Variants in TMEM178B observed in about 807,000 individuals in gnomAD.
The protein encoded by TMEM178B is transmembrane protein 178B.
A neutral mutation model predicts 31.0 loss-of-function variants in TMEM178B; 5 were observed. The ratio of observed to expected loss-of-function variants is 0.16; its 90% CI spans 0.08 to 0.34. The LOEUF is 0.34. TMEM178B is among the 10% of genes least tolerant of loss of function. The pLI, the probability that TMEM178B is intolerant of heterozygous loss-of-function variation, is 1.00. For synonymous variants in TMEM178B, 164 were observed against 164.0 expected, an observed-to-expected ratio of 1.00 and a Z score of 0.00; for missense variants, 275 against 400.3, an observed-to-expected ratio of 0.69 and a Z score of 2.67.
At chr7:141,371,421 A>G (rs911295739) in intron 2 of TMEM178B, among the ~76,000 whole-genome samples, 7 of 152,210 alleles carry the variant, frequency 4.6e-5, no homozygotes, top group African/African-American at 1.7e-4. Flanking sequence ...CCTGACGCAG[A>G]CACCAGTGCC....
chr7:141,216,776 C>T (rs1797159103), intron 2 of TMEM178B, among the ~76,000 whole-genome samples: 1 of 152,142 alleles, frequency 6.6e-6, no homozygotes, highest in Non-Finnish European at 1.5e-5. Context: ...TGCCTTCCTA[C>T]CCACCCACTA....
chr7:141,502,701 C>T, the TMEM178B span, among the ~76,000 whole-genome samples: 2 of 151,194 alleles, frequency 1.3e-5, no homozygotes, highest in African/African-American at 4.9e-5. Flanking sequence ...ACCCGGGAGG[C>T]GGAGGTTGCA....
chr7:141,324,416 G>GTTTTTTTTTTTT (rs56316531), intron 2 of TMEM178B, among the ~76,000 whole-genome samples: 1 of 85,736 alleles, frequency 1.2e-5, no homozygotes, highest in Non-Finnish European at 2.4e-5. Context: ...GGAGACCAGG[G>GTTTTTTTTTTTT]TTTTTTTTTT....
chr7:141,162,366 T>G (rs1796190350), intron 1 of TMEM178B, among the ~76,000 whole-genome samples: 1 of 152,220 alleles, frequency 6.6e-6, no homozygotes, highest in Non-Finnish European at 1.5e-5. Context: ...TGGCATGCGA[T>G]ACACCCTGGG....
At chr7:141,402,145 T>A (rs957383989) in intron 2 of TMEM178B, among the ~76,000 whole-genome samples, 2 of 152,180 alleles carry the variant, frequency 1.3e-5, no homozygotes, top group Non-Finnish European at 2.9e-5. Context: ...ACCCGCTCAC[T>A]ACACTAAAAG....
intron 2 of TMEM178B, among the ~76,000 whole-genome samples, chr7:141,312,234 CT>C (rs1334545352): frequency 6.6e-6 from 1 of 152,234 alleles, no homozygotes; most frequent in Non-Finnish European, 1.5e-5. Flanking sequence ...TCAACATGGT[CT>C]GAACTGAACA....
intron 2 of TMEM178B, among the ~76,000 whole-genome samples, chr7:141,289,920 AG>A (rs1262228248): frequency 3.9e-5 from 6 of 151,900 alleles, no homozygotes; most frequent in Non-Finnish European, 5.9e-5. Flanking sequence ...GGATCATTTA[AG>A]GCCAAGAATT....
chr7:141,127,970 C>T (rs1795527243), intron 1 of TMEM178B, among the ~76,000 whole-genome samples: 1 of 152,128 alleles, frequency 6.6e-6, no homozygotes, highest in Admixed American at 6.5e-5. Context: ...CAACGCGAAC[C>T]ACAGGGCATA....
chr7:141,335,254 CCTCAG>C (rs1799364438), intron 2 of TMEM178B, among the ~76,000 whole-genome samples: 1 of 152,104 alleles, frequency 6.6e-6, no homozygotes, highest in Non-Finnish European at 1.5e-5. Flanking sequence ...CTACCTGGAC[CCTCAG>C]CTCAGCTTTC....
intron 2 of TMEM178B, among the ~76,000 whole-genome samples, chr7:141,287,198 T>C (rs1011568867): frequency 3.9e-5 from 6 of 152,188 alleles, no homozygotes; most frequent in African/African-American, 1.4e-4. Context: ...TCCCTTTTGT[T>C]GTTGCCTGAT....
chr7:141,473,202 G>T lies in TMEM178B; in HGVS notation c.*2416G>T, dbSNP rs1468545901. The T allele has an allele frequency of 1.3e-5, 2 of 152,180 alleles. No individual in the cohort carries two copies. Among genetic ancestry groups the T allele is most frequent in the East Asian group, 3.8e-4 (2 of 5,196 alleles). The allele number at this position is 152,180 out of a possible 1,614,324, so 9.4% of individuals were successfully genotyped here. A position where few individuals can be genotyped will look rare whatever the true frequency, so the allele number is the denominator to read the frequency against. Reference sequence around the variant, plus strand: ...AAAAGTTAGATTTCTCCCTTAAGGGGAAGGGCATACTTGGGCTTAAGGAAA... The same window carrying T: ...AAAAGTTAGATTTCTCCCTTAAGGGTAAGGGCATACTTGGGCTTAAGGAAA... On this transcript the variant is annotated 3_prime_UTR_variant, in exon 4 of 4. Coordinates refer to ENST00000565468, the MANE Select transcript of TMEM178B (RefSeq NM_001195278.2).
Position 141,318,448 on chromosome 7 carries a change from C to G in TMEM178B, c.496+105744C>G, listed in dbSNP as rs1469498584. Among the ~76,000 whole-genome samples the G allele has an allele frequency of 6.6e-6, 1 of 152,132 alleles. No individual in the cohort carries two copies. The highest frequency in any genetic ancestry group is 2.4e-5 in the African/African-American group (1 of 41,424). Reference sequence around the variant, plus strand: ...AAGTGTTTGGTTTCAGGAAACTGTTCAAGTTTTTATTTAGCTTTCATTTCT... The same window carrying G: ...AAGTGTTTGGTTTCAGGAAACTGTTGAAGTTTTTATTTAGCTTTCATTTCT... On this transcript the variant is annotated intron_variant, in intron 2 of 3. Transcript: ENST00000565468. The surrounding 1 kb of genome is among the most constrained non-coding windows in gnomAD (Gnocchi z 4.1).
At chr7:141,255,629 C>G (rs568026461) in intron 2 of TMEM178B, among the ~76,000 whole-genome samples, 2 of 142,698 alleles carry the variant, frequency 1.4e-5, no homozygotes, top group Admixed American at 7.2e-5. Flanking sequence ...AGAGTCACTA[C>G]ATTATTCTTA....
intron 3 of TMEM178B, among the ~76,000 whole-genome samples, chr7:141,464,939 T>C (rs2116723137): frequency 6.6e-6 from 1 of 152,226 alleles, no homozygotes; most frequent in Middle Eastern, 3.4e-3. Flanking sequence ...TTTTTCATGT[T>C]GTTGTTACAC....
intron 2 of TMEM178B, among the ~76,000 whole-genome samples, chr7:141,343,337 G>A (rs1323329801): frequency 2.0e-5 from 3 of 152,130 alleles, no homozygotes. Flanking sequence ...GAATTTCCTA[G>A]CCAGATTATG....
chr7:141,253,391 A>G (rs1358368202), intron 2 of TMEM178B, among the ~76,000 whole-genome samples: 2 of 152,142 alleles, frequency 1.3e-5, no homozygotes, highest in East Asian at 3.9e-4. Flanking sequence ...CAGCTTCAGC[A>G]GCTCCATGCT....
intron 1 of TMEM178B, among the ~76,000 whole-genome samples, chr7:141,148,459 CA>C (rs2129180167): frequency 6.6e-6 from 1 of 152,178 alleles, no homozygotes; most frequent in South Asian, 2.1e-4. Flanking sequence ...GCAAAGTAGG[CA>C]GGGAAGTTAT....
intron 2 of TMEM178B, among the ~76,000 whole-genome samples, chr7:141,328,891 T>G (rs1008210293): frequency 6.6e-6 from 1 of 151,752 alleles, no homozygotes; most frequent in Non-Finnish European, 1.5e-5. Context: ...TCAGAGAGTT[T>G]CTGTGAATAG....
At chr7:141,488,981 G>A in the TMEM178B span, among the ~76,000 whole-genome samples, 1 of 152,046 alleles carries the variant, frequency 6.6e-6, no homozygotes, top group Admixed American at 6.6e-5. Context: ...GGAGGAGGAG[G>A]AGGAGGAGGA....
Sources: allele counts gnomAD v4.1 joint callset (sites outside exome capture counted in the v4.1 genomes callset), GRCh38; gene constraint gnomAD v4.1.1; non-coding constraint Gnocchi (gnomAD v3.1); transcripts MANE v1.5; gene names NCBI Gene and HGNC (gene_info 2026-07-23, HGNC 2026-07-21).